The following MOV10 variants were observed in gnomAD, a reference collection of about 807,000 sequenced individuals.
MOV10 encodes RNA helicase MOV-10.
MOV10 carries 39 observed loss-of-function variants against 108.4 expected under a neutral mutation model. That is an observed-to-expected ratio of 0.36 (90% CI 0.28 to 0.47). MOV10 has a LOEUF of 0.47. Ranked by LOEUF, MOV10 falls within the 20% of genes least tolerant of loss-of-function variation. The pLI, the probability that MOV10 is intolerant of heterozygous loss-of-function variation, is 1.00. For missense variants in MOV10, 952 were observed against 1,297.6 expected, an observed-to-expected ratio of 0.73 and a Z score of 4.09; for synonymous variants, 490 against 523.1, an observed-to-expected ratio of 0.94 and a Z score of 0.86.
intron 2 of MOV10, among the ~76,000 whole-genome samples, chr1:112,680,963 A>T (rs1255586339): frequency 2.6e-5 from 4 of 151,468 alleles, no homozygotes; most frequent in African/African-American, 7.3e-5. Flanking sequence ...TGACCTCCCA[A>T]AGTGCTGGGA....
At chr1:112,681,554 T>C (rs1463307953) in intron 2 of MOV10, among the ~76,000 whole-genome samples, 1 of 152,106 alleles carries the variant, frequency 6.6e-6, no homozygotes, top group East Asian at 1.9e-4. Flanking sequence ...TGGGAATCAC[T>C]CGTAGGCATA....
intron 7 of MOV10, 137 bp downstream of exon 7, chr1:112,693,066 T>A: frequency 1.3e-6 from 1 of 799,472 alleles, no homozygotes; most frequent in Non-Finnish European, 1.9e-6. Flanking sequence ...AGAAGCAGGG[T>A]GGGCATCCTG....
rs940688425 is a variant in MOV10 at position 112,700,355 on chromosome 1, G to C, written c.2920+15G>C. On this transcript the variant is annotated intron_variant, in intron 20 of 20. Transcript: ENST00000369645. The stretch of plus-strand genomic sequence containing the variant: ...CTCTACCTCAGGTATGGCTGGGCCA[G>C]GGTGGGGACAGTGCCAGAGGAGGTG... The C allele has an allele frequency of 6.2e-7, 1 of 1,614,092 alleles. No homozygotes were observed. The highest frequency in any genetic ancestry group is 8.5e-7 in the Non-Finnish European group (1 of 1,180,032).
Position 112,699,968 on chromosome 1 carries a change from C to A in MOV10, c.2784C>A (p.Asp928Glu). Reference protein sequence around the residue: ...IVGNPLLLGHDPDWKVFLEFC... With the variant: ...IVGNPLLLGHEPDWKVFLEFC... The stretch of plus-strand genomic sequence containing the variant: ...GGAACCCCCTTCTCCTGGGCCATGA[C>A]CCTGACTGGAAAGTGTGAGCATTCC... Residue 928 changes from aspartate (D) to glutamate (E), a missense_variant, in exon 19 of 21, where the codon GAC becomes GAA. Coordinates refer to ENST00000369645, the MANE Select transcript of MOV10 (RefSeq NM_001321324.2). 1.2e-6 allele frequency: 2 copies of A among 1,614,244 alleles called. No individual in the cohort carries two copies. The highest frequency in any genetic ancestry group is 1.7e-6 in the Non-Finnish European group (2 of 1,180,038).
upstream of MOV10, chr1:112,674,588 C>T: frequency 4.7e-6 from 1 of 211,754 alleles, no homozygotes; most frequent in East Asian, 1.2e-4. Context: ...CAAGCGGTAG[C>T]CACGTTCTGA....
intron 2 of MOV10, among the ~76,000 whole-genome samples, chr1:112,686,555 C>G (rs147411845): frequency 5.3e-4 from 81 of 152,336 alleles, no homozygotes; most frequent in Middle Eastern, 3.4e-3. Context: ...ATTATAACCA[C>G]TACCTGGGGA....
chr1:112,682,877 T>C (rs1178594461), intron 2 of MOV10, among the ~76,000 whole-genome samples: 1 of 152,026 alleles, frequency 6.6e-6, no homozygotes, highest in African/African-American at 2.4e-5. Flanking sequence ...TTATGGACAG[T>C]GTTTTTAGTT....
In MOV10 at chr1:112,700,493, A is replaced by AG. The variant is rs1368584102; in HGVS notation, c.3000dup (p.Asn1001GlufsTer2). 7 of 1,613,518 alleles carry AG rather than the reference A, an allele frequency of 4.3e-6. No individual in the cohort carries two copies. The highest frequency in any genetic ancestry group is 5.9e-6 in the Non-Finnish European group (7 of 1,179,806). On this transcript the variant is annotated frameshift_variant, in exon 21 of 21. Coordinates refer to ENST00000369645, the MANE Select transcript of MOV10 (RefSeq NM_001321324.2). LOFTEE classifies it high-confidence loss of function. ...GTCTCTGCAAGTGGAGCCAGAGTGG[A>AG]GGAATGAGCTCTGAAGACACAGCAC... is the stretch of plus-strand genomic sequence containing the variant.
Position 112,700,296 on chromosome 1 carries a change from A to G in MOV10, c.2876A>G (p.Gln959Arg). Reference protein sequence around the residue: ...FPAKLDLQQGQNLLQGLSKLS... With the variant: ...FPAKLDLQQGRNLLQGLSKLS... ...GCCAAACTGGACCTGCAACAGGGAC[A>G]GAATTTACTGCAAGGTCTGAGCAAG... Residue 959 changes from glutamine to arginine, a missense_variant, in exon 20 of 21, where the codon CAG becomes CGG. Transcript: ENST00000369645. 1 of 1,614,250 alleles carries G rather than the reference A, an allele frequency of 6.2e-7. No homozygotes were observed. Among genetic ancestry groups the G allele is most frequent in the Non-Finnish European group, 8.5e-7 (1 of 1,180,032 alleles).
At chr1:112,699,502 T>G in intron 17 of MOV10, 183 bp from the exon 18 acceptor site, 1 of 1,439,346 alleles carries the variant, frequency 6.9e-7, no homozygotes, top group Non-Finnish European at 9.1e-7. Flanking sequence ...AACCTTCATG[T>G]TTCAGCTTCC....
intron 2 of MOV10, among the ~76,000 whole-genome samples, chr1:112,681,940 G>T (rs551545333): frequency 1.3e-5 from 2 of 150,392 alleles, no homozygotes; most frequent in Non-Finnish European, 3.0e-5. Flanking sequence ...TTGTTACCCA[G>T]GCTGGAGTGC....
intron 11 of MOV10, 78 bp from the exon 12 acceptor site, chr1:112,696,070 G>C (rs570435821): frequency 1.7e-4 from 163 of 942,776 alleles, no homozygotes; most frequent in Non-Finnish European, 2.2e-4. Flanking sequence ...ATTGTTTGAG[G>C]GGGGGTACCC....
chr1:112,682,257 T>C (rs1672719333), intron 2 of MOV10, among the ~76,000 whole-genome samples: 1 of 152,098 alleles, frequency 6.6e-6, no homozygotes, highest in South Asian at 2.1e-4. Flanking sequence ...AAGGTCTTGC[T>C]CCGTTGTCAA....
chr1:112,692,968 G>A, intron 7 of MOV10, 39 bp downstream of exon 7: 2 of 1,567,852 alleles, frequency 1.3e-6, no homozygotes, highest in Non-Finnish European at 1.7e-6. Context: ...GTGGGCTCAA[G>A]CCAGCCAAGC....
In MOV10 at chr1:112,694,412, C is replaced by T. The variant is rs752487325; in HGVS notation, c.1296-41C>T. ...GTTCTGGCCCTTTATTGCCCACCTC[C>T]CCTGCCCCAACAAACTCTTACCACC... is the stretch of plus-strand genomic sequence containing the variant. On this transcript the variant is annotated intron_variant, in intron 8 of 20. Transcript: ENST00000369645. This position sits in a 1 kb window ranked among gnomAD's most constrained non-coding sequence, Gnocchi z 4.1. 1.9e-6 allele frequency: 3 copies of T among 1,611,946 alleles called. No homozygotes were observed. Among genetic ancestry groups the T allele is most frequent in the Admixed American group, 1.7e-5 (1 of 59,960 alleles).
intron 13 of MOV10, 43 bp downstream of exon 13, chr1:112,696,577 G>T: frequency 1.2e-6 from 2 of 1,611,386 alleles, no homozygotes; most frequent in Non-Finnish European, 1.7e-6. Flanking sequence ...CCCTGTGTGG[G>T]TCAGAGAGGT....
intron 2 of MOV10, among the ~76,000 whole-genome samples, chr1:112,679,854 TAGTG>T (rs1672487080): frequency 6.6e-6 from 1 of 152,140 alleles, no homozygotes; most frequent in South Asian, 2.1e-4. Flanking sequence ...TAACTCTTGT[TAGTG>T]AGAACATAAA....
In MOV10 at chr1:112,700,173, G is replaced by A. The variant is rs369311526; in HGVS notation, c.2799-46G>A. On this transcript the variant is annotated intron_variant, in intron 19 of 20. Transcript: ENST00000369645. Reference sequence around the variant, plus strand: ...AGTACAGCTCAGATGGGACAGGACCGTGGCTTAGCCTCCAGTCTCTGCTGG... The same window carrying A: ...AGTACAGCTCAGATGGGACAGGACCATGGCTTAGCCTCCAGTCTCTGCTGG... 7.7e-5 allele frequency: 124 copies of A among 1,613,126 alleles called. 2 individuals carry two copies. In the South Asian group the frequency reaches 1.1e-3, roughly 14 times the overall value.
At chr1:112,679,709 A>G (rs1444885328) in intron 2 of MOV10, among the ~76,000 whole-genome samples, 1 of 152,114 alleles carries the variant, frequency 6.6e-6, no homozygotes, top group African/African-American at 2.4e-5. Flanking sequence ...TAATAAAAGA[A>G]GGAAAGATCC....
Sources: gnomAD v4.1 joint callset for allele counts (sites outside exome capture counted in the v4.1 genomes callset) on GRCh38, gnomAD v4.1.1 for gene constraint, Gnocchi (gnomAD v3.1) non-coding constraint, MANE v1.5 for transcripts, NCBI Gene and HGNC (gene_info 2026-07-23, HGNC 2026-07-21) for gene names.